ASTN2: variants seen among roughly 807,000 people sequenced by gnomAD.
ASTN2 encodes the protein astrotactin 2.
ASTN2 carries 54 observed loss-of-function variants against 139.8 expected under a neutral mutation model. That is an observed-to-expected ratio of 0.39 (90% CI 0.31 to 0.48). ASTN2 has a LOEUF of 0.48. Ranked by LOEUF, ASTN2 falls within the 20% of genes least tolerant of loss-of-function variation. ASTN2 has a pLI of 0.95. For synonymous variants in ASTN2, 756 were observed against 719.5 expected (o/e 1.05, Z -0.81); for missense variants, 1,565 against 1,725.1 (o/e 0.91, Z 1.64).
chr9:116,620,173 G>T (rs750503913), intron 18 of ASTN2, 137 bp downstream of exon 18: 4 of 1,217,152 alleles, frequency 3.3e-6, no homozygotes, highest in Non-Finnish European at 4.6e-6. Flanking sequence ...TCCTAAAAAA[G>T]GAGGTAGATT....
intron 13 of ASTN2, among the ~76,000 whole-genome samples, chr9:116,776,253 G>T (rs556833668): frequency 2.6e-5 from 4 of 152,302 alleles, no homozygotes; most frequent in Admixed American, 1.3e-4. Context: ...GTAAAGGAAG[G>T]GTTTTAGGTA....
At chr9:116,900,728 T>A (rs1292393114) in intron 10 of ASTN2, among the ~76,000 whole-genome samples, 2 of 152,028 alleles carry the variant, frequency 1.3e-5, no homozygotes, top group Admixed American at 1.3e-4. Context: ...CTCACCTGCT[T>A]CCTCCCTCCC....
At chr9:116,685,185 A>G (rs981097829) in intron 16 of ASTN2, among the ~76,000 whole-genome samples, 2 of 152,164 alleles carry the variant, frequency 1.3e-5, no homozygotes, top group Non-Finnish European at 2.9e-5. Context: ...CACCCAGATC[A>G]ATAAACTCAC....
intron 7 of ASTN2, among the ~76,000 whole-genome samples, chr9:116,990,723 A>G (rs1836828198): frequency 6.6e-6 from 1 of 152,148 alleles, no homozygotes; most frequent in South Asian, 2.1e-4. Flanking sequence ...GGTTCCCATT[A>G]CCAAGGCTCT....
intron 10 of ASTN2, among the ~76,000 whole-genome samples, chr9:116,896,994 G>T (rs1833895629): frequency 1.3e-5 from 2 of 152,210 alleles, no homozygotes; most frequent in Admixed American, 1.3e-4. Flanking sequence ...CTCTCTGAGA[G>T]ACTGGGTAAG....
intron 16 of ASTN2, among the ~76,000 whole-genome samples, chr9:116,668,438 C>A (rs538080425): frequency 6.6e-6 from 1 of 152,178 alleles, no homozygotes; most frequent in South Asian, 2.1e-4. Flanking sequence ...GTGATCCACC[C>A]GCCTCGGCCT....
chr9:117,215,572 A>G (rs1832291386), intron 2 of ASTN2, among the ~76,000 whole-genome samples: 1 of 151,952 alleles, frequency 6.6e-6, no homozygotes, highest in African/African-American at 2.4e-5. Flanking sequence ...GAAATAAGCT[A>G]ATGTGTTAAT....
rs187021494 is a variant in ASTN2 at position 116,621,010 on chromosome 9, G to T, written c.3073-567C>A. 1.6e-4 allele frequency among the ~76,000 whole-genome samples: 24 copies of T among 152,128 alleles called. No homozygotes were observed. In the East Asian group the frequency reaches 4.5e-3, roughly 28 times the overall value. ...TCTAAATGCCTTGTTCTCACCCCTG[G>T]CCACCTTTTCATCTCTCACCACTCT... On this transcript the variant is annotated intron_variant, in intron 17 of 22. Coordinates refer to ENST00000313400, the MANE Select transcript of ASTN2 (RefSeq NM_001365068.1).
intron 16 of ASTN2, among the ~76,000 whole-genome samples, chr9:116,706,358 C>T (rs946000676): frequency 4.6e-5 from 7 of 152,060 alleles, no homozygotes; most frequent in Non-Finnish European, 2.9e-5. Flanking sequence ...TTCCCCCTTC[C>T]GCCCCATATC....
Position 116,846,677 on chromosome 9 carries a change from G to T in ASTN2, c.2040+16906C>A, listed in dbSNP as rs116194571. 6.1e-3 allele frequency among the ~76,000 whole-genome samples: 925 copies of T among 152,282 alleles called. 8 individuals carry two copies. The highest frequency in any genetic ancestry group is 0.021 in the African/African-American group (867 of 41,556). On this transcript the variant is annotated intron_variant, in intron 11 of 22. Coordinates refer to ENST00000313400, the MANE Select transcript of ASTN2 (RefSeq NM_001365068.1). The stretch of plus-strand genomic sequence containing the variant: ...CCATCCTTGCTTTGGGCACATCCCT[G>T]CCCTTCTCTGGCCGTCAATCTTCCT...
At chr9:116,927,666 T>C (rs1834792152) in intron 10 of ASTN2, among the ~76,000 whole-genome samples, 1 of 152,186 alleles carries the variant, frequency 6.6e-6, no homozygotes, top group African/African-American at 2.4e-5. Context: ...GTGGCTGGAC[T>C]CTATTAGGCT....
intron 10 of ASTN2, among the ~76,000 whole-genome samples, chr9:116,892,558 G>C (rs573316354): frequency 2.4e-3 from 363 of 152,226 alleles, no homozygotes; most frequent in Non-Finnish European, 3.3e-3. Flanking sequence ...AAGCCAAGCT[G>C]GTCCCGGTCA....
chr9:116,960,938 C>A (rs1264443775), intron 10 of ASTN2, among the ~76,000 whole-genome samples: 1 of 152,088 alleles, frequency 6.6e-6, no homozygotes, highest in African/African-American at 2.4e-5. Flanking sequence ...TCATGAATCT[C>A]CCCAGGCTGC....
rs1306397698 is a variant in ASTN2, at chr9:117,120,018, G to GTGTGTACATATATATATA, written c.1168+21307_1168+21308insTATATATATATGTACACA. 7.2e-4 allele frequency among the ~76,000 whole-genome samples: 33 copies of GTGTGTACATATATATATA among 45,998 alleles called. 1 individual carries two copies. Among genetic ancestry groups the GTGTGTACATATATATATA allele is most frequent in the African/African-American group, 1.8e-3 (22 of 12,194 alleles). The allele number at this position is 45,998 out of a possible 152,430, so 30.2% of individuals were successfully genotyped here. A position where few individuals can be genotyped will look rare whatever the true frequency, so the allele number is the denominator to read the frequency against. On this transcript the variant is annotated intron_variant, in intron 4 of 22. Coordinates refer to ENST00000313400, the MANE Select transcript of ASTN2 (RefSeq NM_001365068.1). ...TGTGTGTGTGTGTGTGTGTGTGTGT[G>GTGTGTACATATATATATA]TATATATATATATATATATATATAT...
At chr9:117,097,185 A>T (rs1273532098) in intron 4 of ASTN2, among the ~76,000 whole-genome samples, 2 of 152,108 alleles carry the variant, frequency 1.3e-5, no homozygotes, top group Admixed American at 1.3e-4. Context: ...GGATGGGAGG[A>T]GGAGATGAGT....
chr9:117,262,397 T>A (rs55713879), intron 2 of ASTN2, among the ~76,000 whole-genome samples: 36,121 of 123,170 alleles, frequency 0.29, 5,083 homozygotes, highest in Non-Finnish European at 0.37. Flanking sequence ...CTGTTTCTTT[T>A]TTTATTTATT....
chr9:117,003,940 A>ACGCGCG (rs772588901), intron 7 of ASTN2, among the ~76,000 whole-genome samples: 2 of 144,536 alleles, frequency 1.4e-5, no homozygotes, highest in African/African-American at 5.3e-5. Flanking sequence ...TGTTTCTTTC[A>ACGCGCG]CGCGCGCGCG....
Position 117,214,371 on chromosome 9 carries a change from G to A in ASTN2, c.1002C>T (p.Asp334=). 1 of 1,587,684 alleles carries A rather than the reference G, an allele frequency of 6.3e-7. No homozygotes were observed. Among genetic ancestry groups the A allele is most frequent in the Non-Finnish European group, 8.6e-7 (1 of 1,159,306 alleles). Residue 334 remains aspartate (D), a synonymous_variant, in exon 3 of 23, where the codon GAC becomes GAT. Coordinates refer to ENST00000313400, the MANE Select transcript of ASTN2 (RefSeq NM_001365068.1). ...TGGAGGACTCACCTTTCTTCTCAAA[G>A]TCCACCTTCTCTTCCCCTGGATGTC... ...SLGHPGEEKV[D]FEKKAAAEAT...
intron 12 of ASTN2, among the ~76,000 whole-genome samples, chr9:116,811,503 C>G (rs1390512093): frequency 2.6e-5 from 4 of 152,064 alleles, no homozygotes; most frequent in Admixed American, 2.6e-4. Flanking sequence ...TGTATAATTT[C>G]TATGTTGGTA....
Sources: allele counts gnomAD v4.1 joint callset (sites outside exome capture counted in the v4.1 genomes callset), GRCh38; gene constraint gnomAD v4.1.1; transcripts MANE v1.5; gene names NCBI Gene and HGNC (gene_info 2026-07-23, HGNC 2026-07-21).